Variants in DNER observed in about 807,000 individuals in gnomAD.
The protein encoded by DNER is delta/notch like EGF repeat containing, also known as delta and Notch-like epidermal growth factor-related receptor.
Under a neutral mutation model 78.2 loss-of-function variants are expected in DNER, and 33 were observed. The ratio of observed to expected loss-of-function variants is 0.42; its 90% confidence interval spans 0.32 to 0.56. The LOEUF is 0.56. Among genes scored for constraint, DNER ranks in the 20% least tolerant of loss-of-function variants. The probability of loss-of-function intolerance (pLI) is 0.11; values close to 1 mark genes in which losing one functional copy is unlikely to be tolerated. For missense variants in DNER, 918 were observed against 975.3 expected (o/e 0.94, Z 0.78); for synonymous variants, 417 against 384.8 (o/e 1.08, Z -0.98).
chr2:229,497,392 A>G (rs1695521196), intron 6 of DNER, among the ~76,000 whole-genome samples: 1 of 152,110 alleles, frequency 6.6e-6, no homozygotes, highest in South Asian at 2.1e-4. Context: ...TAAAGAAGCT[A>G]GACAAAGAAC....
At chr2:229,452,948 G>A (rs1360161812) in intron 7 of DNER, among the ~76,000 whole-genome samples, 2 of 152,076 alleles carry the variant, frequency 1.3e-5, no homozygotes, top group Non-Finnish European at 2.9e-5. Context: ...ATTTTAAACT[G>A]TTGATAAATA....
At chr2:229,516,951 C>CAA (rs199879957) in intron 5 of DNER, among the ~76,000 whole-genome samples, 18 of 147,098 alleles carry the variant, frequency 1.2e-4, no homozygotes, top group South Asian at 2.2e-4. Context: ...ACTAAAAATA[C>CAA]AAAAAAAAAA....
At chr2:229,449,802 G>A (rs1427303110) in intron 7 of DNER, among the ~76,000 whole-genome samples, 1 of 152,080 alleles carries the variant, frequency 6.6e-6, no homozygotes, top group Non-Finnish European at 1.5e-5. Context: ...TTTGTTTTTT[G>A]AGACAGAGTC....
intron 1 of DNER, among the ~76,000 whole-genome samples, chr2:229,640,401 A>G (rs1698596634): frequency 6.6e-6 from 1 of 151,802 alleles, no homozygotes; most frequent in Non-Finnish European, 1.5e-5. Context: ...AAACATTATC[A>G]TCAGATGATA....
intron 1 of DNER, among the ~76,000 whole-genome samples, chr2:229,646,219 C>T (rs1698715649): frequency 6.6e-6 from 1 of 152,050 alleles, no homozygotes; most frequent in South Asian, 2.1e-4. Flanking sequence ...AATTTTAAGG[C>T]GTCATTATAA....
At chr2:229,571,507 G>T (rs1697217821) in intron 4 of DNER, among the ~76,000 whole-genome samples, 1 of 151,636 alleles carries the variant, frequency 6.6e-6, no homozygotes, top group East Asian at 1.9e-4. Flanking sequence ...TGCTCCCCAC[G>T]CCTTCTCTCT....
chr2:229,550,482 A>C (rs1406351106), intron 4 of DNER, among the ~76,000 whole-genome samples: 1 of 152,100 alleles, frequency 6.6e-6, no homozygotes, highest in Admixed American at 6.6e-5. Context: ...TGTTCTTATA[A>C]GTACGTTAAG....
chr2:229,418,046 C>T (rs553321052), intron 9 of DNER, 62 bp downstream of exon 9: 90 of 1,611,534 alleles, frequency 5.6e-5, no homozygotes, highest in Non-Finnish European at 7.3e-5. Context: ...TGCATTTACA[C>T]TGAGAAATAC....
intron 7 of DNER, among the ~76,000 whole-genome samples, chr2:229,456,772 C>T (rs4973205): frequency 0.2 from 30,523 of 151,922 alleles, 3,327 homozygotes; most frequent in South Asian, 0.31. Flanking sequence ...AGATGATGAC[C>T]GAGTTTTTCC....
At chr2:229,569,141 C>T (rs1452533502) in intron 4 of DNER, among the ~76,000 whole-genome samples, 1 of 152,164 alleles carries the variant, frequency 6.6e-6, no homozygotes, top group Non-Finnish European at 1.5e-5. Flanking sequence ...GAATGTGCAT[C>T]TGTGGTTGTG....
chr2:229,367,759 G>T (rs1692383769), intron 11 of DNER, among the ~76,000 whole-genome samples: 1 of 152,298 alleles, frequency 6.6e-6, no homozygotes. Context: ...TATAACCACA[G>T]TTGGAAGGGT....
intron 10 of DNER, among the ~76,000 whole-genome samples, chr2:229,395,543 A>C (rs1478160475): frequency 6.6e-6 from 1 of 152,176 alleles, no homozygotes; most frequent in Non-Finnish European, 1.5e-5. Flanking sequence ...AGGGATCTAA[A>C]TATTCTGCCT....
intron 2 of DNER, among the ~76,000 whole-genome samples, chr2:229,589,621 C>A: frequency 6.6e-6 from 1 of 152,100 alleles, no homozygotes; most frequent in Non-Finnish European, 1.5e-5. Flanking sequence ...GAGGCATTTC[C>A]TTTTTTTCTT....
At chr2:229,402,858 A>G (rs1466083944) in intron 10 of DNER, among the ~76,000 whole-genome samples, 1 of 152,206 alleles carries the variant, frequency 6.6e-6, no homozygotes, top group Non-Finnish European at 1.5e-5. Context: ...CAGTAACTGA[A>G]GGGTGGACAG....
At chr2:229,497,146 G>A (rs1695518206) in intron 6 of DNER, among the ~76,000 whole-genome samples, 1 of 152,114 alleles carries the variant, frequency 6.6e-6, no homozygotes, top group South Asian at 2.1e-4. Context: ...ATAACAGGAA[G>A]CATTTTAGAA....
In DNER at chr2:229,422,317, C is replaced by G. The variant is rs111700383; in HGVS notation, c.1487-4087G>C. Among the ~76,000 whole-genome samples the G allele has an allele frequency of 6.2e-3, 949 of 152,284 alleles. 16 individuals carry two copies. Among genetic ancestry groups the G allele is most frequent in the African/African-American group, 0.021 (881 of 41,544 alleles). On this transcript the variant is annotated intron_variant, in intron 8 of 12. Coordinates refer to ENST00000341772, the MANE Select transcript of DNER (RefSeq NM_139072.4). Reference sequence around the variant, plus strand: ...GCCCAGTGTCTGAAAAAAAATTAGGCTAATCCAAAGATTTTTTAAAAATAA... The same window carrying G: ...GCCCAGTGTCTGAAAAAAAATTAGGGTAATCCAAAGATTTTTTAAAAATAA...
At chr2:229,628,195 G>A (rs1046277589) in intron 1 of DNER, among the ~76,000 whole-genome samples, 3 of 152,192 alleles carry the variant, frequency 2.0e-5, no homozygotes, top group Non-Finnish European at 4.4e-5. Flanking sequence ...CCTGAAGCAT[G>A]AGACACCGAG....
chr2:229,492,703 C>G (rs933772473), intron 6 of DNER, among the ~76,000 whole-genome samples: 2 of 152,186 alleles, frequency 1.3e-5, no homozygotes, highest in Admixed American at 6.5e-5. Flanking sequence ...GGGTCTCAGT[C>G]TGTCACCCAG....
intron 7 of DNER, among the ~76,000 whole-genome samples, chr2:229,465,053 G>C (rs12616203): frequency 0.39 from 58,577 of 152,052 alleles, 13,143 homozygotes; most frequent in African/African-American, 0.63. Flanking sequence ...CCAGAAGTAC[G>C]ATTTGACCCA....
Sources: gnomAD v4.1 joint callset for allele counts (sites outside exome capture counted in the v4.1 genomes callset) on GRCh38, gnomAD v4.1.1 for gene constraint, MANE v1.5 for transcripts, NCBI Gene and HGNC (gene_info 2026-07-23, HGNC 2026-07-21) for gene names.